The following SOBP variants were observed in gnomAD, a reference collection of about 807,000 sequenced individuals.
SOBP encodes the protein sine oculis-binding protein homolog.
In SOBP, 4 loss-of-function variants were observed where a neutral mutation model predicts 53.6. The observed-to-expected ratio is 0.07, with a 90% CI of 0.04 to 0.17. The LOEUF (loss-of-function observed/expected upper bound fraction) is 0.17, where lower values mean the gene tolerates loss of function less well. Among genes scored for constraint, SOBP ranks in the 10% least tolerant of loss-of-function variants. The pLI is 1.00. For missense variants in SOBP, 1,088 were observed against 1,204.7 expected, an observed-to-expected ratio of 0.90 and a Z score of 1.43; for synonymous variants, 584 against 522.6, an observed-to-expected ratio of 1.12 and a Z score of -1.60.
intron 5 of SOBP, among the ~76,000 whole-genome samples, chr6:107,604,458 G>C (rs542641100): frequency 6.6e-5 from 10 of 152,074 alleles, no homozygotes; most frequent in Non-Finnish European, 1.3e-4. Flanking sequence ...TTCACTGCTC[G>C]TCCTGTTCTA....
chr6:107,634,521 G>C lies in SOBP; in HGVS notation c.1677G>C (p.Gly559=). ...SKPPNGFSSN[G]ENFIPNAPGD... is the part of the protein sequence containing the mutation. ...CCCCCAACGGGTTCTCCAGCAACGGGGAGAACTTCATTCCGAACGCCCCTG... is the reference window on the plus strand; with the variant it reads ...CCCCCAACGGGTTCTCCAGCAACGGCGAGAACTTCATTCCGAACGCCCCTG... The change falls in exon 6 of 7, where the codon GGG becomes GGC. Residue 559 remains glycine (G), a synonymous_variant. Transcript: ENST00000317357. This position sits in a 1 kb window ranked among gnomAD's most constrained non-coding sequence, Gnocchi z 4.5. 1 of 1,611,152 alleles carries C rather than the reference G, an allele frequency of 6.2e-7. No homozygotes were observed. The highest frequency in any genetic ancestry group is 1.1e-5 in the South Asian group (1 of 91,084).
At chr6:107,512,452 T>G (rs1783197132) in intron 3 of SOBP, among the ~76,000 whole-genome samples, 1 of 152,236 alleles carries the variant, frequency 6.6e-6, no homozygotes. Context: ...TTTGGTTCCC[T>G]CCAAGTTTGA....
At chr6:107,614,079 G>A (rs1185613393) in intron 5 of SOBP, among the ~76,000 whole-genome samples, 2 of 152,210 alleles carry the variant, frequency 1.3e-5, no homozygotes, top group East Asian at 3.8e-4. Context: ...CCTGGCCCAT[G>A]ATGGTCTGGA....
At chr6:107,613,998 G>C (rs1377249092) in intron 5 of SOBP, among the ~76,000 whole-genome samples, 1 of 152,218 alleles carries the variant, frequency 6.6e-6, no homozygotes, top group African/African-American at 2.4e-5. Flanking sequence ...CTGAGGTGCA[G>C]GTTCAGAAGT....
chr6:107,519,081 C>A (rs1043043614), intron 3 of SOBP, among the ~76,000 whole-genome samples: 1 of 148,990 alleles, frequency 6.7e-6, no homozygotes, highest in Non-Finnish European at 1.5e-5. Context: ...TACTTGAGAG[C>A]TGCATTTGAT....
At chr6:107,507,830 G>A (rs1783041985) in intron 3 of SOBP, among the ~76,000 whole-genome samples, 3 of 151,948 alleles carry the variant, frequency 2.0e-5, no homozygotes, top group Middle Eastern at 3.4e-3. Flanking sequence ...TCTTTCACTT[G>A]TATGAAAATG....
intron 3 of SOBP, among the ~76,000 whole-genome samples, chr6:107,515,543 G>A (rs1783292490): frequency 6.6e-6 from 1 of 152,170 alleles, no homozygotes; most frequent in Non-Finnish European, 1.5e-5. Flanking sequence ...GAGCTCAGGA[G>A]TTTGAGACCG....
chr6:107,616,703 C>A (rs1007791758), intron 5 of SOBP, among the ~76,000 whole-genome samples: 6 of 152,180 alleles, frequency 3.9e-5, no homozygotes, highest in African/African-American at 1.2e-4. Context: ...GCGCTCTCTG[C>A]GAGGGGCCGA....
intron 6 of SOBP, among the ~76,000 whole-genome samples, chr6:107,645,260 T>C (rs878898968): frequency 2.0e-5 from 3 of 152,332 alleles, no homozygotes; most frequent in Admixed American, 2.0e-4. Flanking sequence ...TATATTACAA[T>C]CTGCGAAACT....
intron 1 of SOBP, among the ~76,000 whole-genome samples, chr6:107,494,953 TAAGA>T (rs918528573): frequency 4.0e-5 from 6 of 151,296 alleles, no homozygotes; most frequent in Middle Eastern, 3.2e-3. Flanking sequence ...AGCTTGATTT[TAAGA>T]GAGAGAGAGA....
At chr6:107,495,683 A>G (rs759310040) in intron 1 of SOBP, among the ~76,000 whole-genome samples, 1 of 152,184 alleles carries the variant, frequency 6.6e-6, no homozygotes, top group Non-Finnish European at 1.5e-5. Flanking sequence ...AAGGAAAGTA[A>G]AAAACAGGGC....
rs1562132866 is a variant in SOBP, at chr6:107,658,650, T to TAAG, written c.*450_*452dup. 1 of 152,646 alleles carries TAAG rather than the reference T, an allele frequency of 6.6e-6. No individual in the cohort carries two copies. The highest frequency in any genetic ancestry group is 1.5e-5 in the Non-Finnish European group (1 of 68,048). 9.5% of individuals were successfully genotyped at this position (152,646 alleles called of 1,614,324 possible). On this transcript the variant is annotated 3_prime_UTR_variant, in exon 7 of 7. Coordinates refer to ENST00000317357, the MANE Select transcript of SOBP (RefSeq NM_018013.4). ...AACTGCTGTGGTTTTGCTGCTACAC[T>TAAG]AAGAATTGTGATTTGCATTGTACGG...
chr6:107,540,626 G>T (rs1005556222), intron 4 of SOBP, among the ~76,000 whole-genome samples: 1 of 152,154 alleles, frequency 6.6e-6, no homozygotes, highest in Admixed American at 6.5e-5. Flanking sequence ...GCAGATCAAT[G>T]GTTTAATGAA....
chr6:107,633,618 C>T lies in SOBP; in HGVS notation c.774C>T (p.Tyr258=). The change falls in exon 6 of 7, where the codon TAC becomes TAT. Residue 258 remains tyrosine, a synonymous_variant. Transcript: ENST00000317357. The stretch of plus-strand genomic sequence containing the variant: ...GCAGTGCAAAATGTCTCAATCAATA[C>T]AAAATGGACATTTTCTACAAAGAGA... ...QFCSAKCLNQ[Y]KMDIFYKETQ... The T allele has an allele frequency of 6.8e-6, 11 of 1,614,224 alleles. No individual in the cohort carries two copies. Among genetic ancestry groups the T allele is most frequent in the South Asian group, 4.4e-5 (4 of 91,088 alleles).
chr6:107,593,298 G>A (rs1785824351), intron 5 of SOBP, among the ~76,000 whole-genome samples: 2 of 152,190 alleles, frequency 1.3e-5, no homozygotes, highest in Admixed American at 1.3e-4. Flanking sequence ...TGATATAGGG[G>A]CCTTATTGGG....
chr6:107,533,299 GAGAGAGAA>G (rs1344645528), intron 3 of SOBP, among the ~76,000 whole-genome samples, 152 bp from the exon 4 acceptor site: 2 of 138,194 alleles, frequency 1.4e-5, no homozygotes, highest in East Asian at 2.2e-4. Flanking sequence ...AAAAAAAAGA[GAGAGAGAA>G]AGAGAGAGAG....
chr6:107,634,828 G>A lies in SOBP; in HGVS notation c.1984G>A (p.Ala662Thr). 1 of 1,408,682 alleles carries A rather than the reference G, an allele frequency of 7.1e-7. No homozygotes were observed. Among genetic ancestry groups the A allele is most frequent in the Admixed American group, 2.5e-5 (1 of 40,022 alleles). 87.3% of individuals were successfully genotyped at this position (1,408,682 alleles called of 1,614,324 possible). Residue 662 changes from alanine to threonine, a missense_variant, in exon 6 of 7, where the codon GCC (alanine) becomes ACC (threonine). By Grantham distance (58) the Ala-to-Thr change is moderately conservative (BLOSUM62 0). Transcript: ENST00000317357. The surrounding 1 kb of genome is among the most constrained non-coding windows in gnomAD (Gnocchi z 4.5). Reference protein sequence around the residue: ...GVIDLTVGHRARLHNVIHRAL... With the variant: ...GVIDLTVGHRTRLHNVIHRAL... ...CATCGACCTGACCGTGGGCCACCGAGCCCGGCTGCACAACGTGATCCACCG... is the reference window on the plus strand; with the variant it reads ...CATCGACCTGACCGTGGGCCACCGAACCCGGCTGCACAACGTGATCCACCG...
chr6:107,594,466 C>A (rs551652813), intron 5 of SOBP, among the ~76,000 whole-genome samples: 1 of 151,746 alleles, frequency 6.6e-6, no homozygotes, highest in Non-Finnish European at 1.5e-5. Context: ...AAAGATAATT[C>A]TTGGCACTAA....
intron 3 of SOBP, among the ~76,000 whole-genome samples, chr6:107,512,946 C>T (rs975094418): frequency 2.3e-4 from 35 of 152,096 alleles, no homozygotes; most frequent in Admixed American, 1.3e-4. Context: ...TCTCTGAATA[C>T]TTTAAAATGA....
Sources: gnomAD v4.1 joint callset for allele counts (sites outside exome capture counted in the v4.1 genomes callset) on GRCh38, gnomAD v4.1.1 for gene constraint, Gnocchi (gnomAD v3.1) non-coding constraint, MANE v1.5 for transcripts, NCBI Gene and HGNC (gene_info 2026-07-23, HGNC 2026-07-21) for gene names.